TNS3: variants seen among roughly 807,000 people sequenced by gnomAD.
The protein encoded by TNS3 is tensin-3.
Under a neutral mutation model 140.9 loss-of-function variants are expected in TNS3, and 45 were observed. The observed-to-expected ratio is 0.32, with a 90% confidence interval of 0.25 to 0.41. The LOEUF is 0.41. TNS3 is among the 10% of genes least tolerant of loss of function. The pLI, the probability that TNS3 is intolerant of heterozygous loss-of-function variation, is 1.00. For synonymous variants in TNS3, 815 were observed against 788.4 expected (o/e 1.03, Z -0.56); for missense variants, 1,716 against 1,906.7 (o/e 0.90, Z 1.86).
intron 17 of TNS3, among the ~76,000 whole-genome samples, chr7:47,353,325 A>G (rs1179425590): frequency 2.0e-5 from 3 of 152,214 alleles, no homozygotes; most frequent in Non-Finnish European, 4.4e-5. Flanking sequence ...AGGTGAGCCC[A>G]GGCCACAGGT....
chr7:47,365,423 C>T (rs1389566012), intron 17 of TNS3, among the ~76,000 whole-genome samples: 3 of 145,690 alleles, frequency 2.1e-5, no homozygotes, highest in Admixed American at 7.1e-5. Flanking sequence ...CCAGCCTGGG[C>T]GACAGAGCAA....
intron 12 of TNS3, among the ~76,000 whole-genome samples, 165 bp downstream of exon 12, chr7:47,413,772 G>C (rs533089012): frequency 1.3e-5 from 2 of 151,884 alleles, no homozygotes; most frequent in African/African-American, 4.8e-5. Flanking sequence ...GCTGGAGCAC[G>C]GGCCACGAGA....
At chr7:47,343,511 G>A (rs1417462201) in intron 20 of TNS3, among the ~76,000 whole-genome samples, 1 of 152,196 alleles carries the variant, frequency 6.6e-6, no homozygotes, top group Non-Finnish European at 1.5e-5. Context: ...AGGCCAGAGG[G>A]CTAGATGCCA....
At chr7:47,562,798 A>T (rs1800343717) in intron 1 of TNS3, among the ~76,000 whole-genome samples, 1 of 152,208 alleles carries the variant, frequency 6.6e-6, no homozygotes, top group South Asian at 2.1e-4. Flanking sequence ...TGGAATTCTT[A>T]ACTACGTACA....
chr7:47,348,895 G>T (rs1391144587), intron 17 of TNS3, among the ~76,000 whole-genome samples: 4 of 152,208 alleles, frequency 2.6e-5, no homozygotes, highest in Non-Finnish European at 2.9e-5. Context: ...GTCCGAAAAG[G>T]AATTTCCAGG....
intron 5 of TNS3, among the ~76,000 whole-genome samples, chr7:47,440,622 C>A (rs1420484497): frequency 6.6e-6 from 1 of 152,168 alleles, no homozygotes; most frequent in Non-Finnish European, 1.5e-5. Flanking sequence ...AGATTCTCCA[C>A]CAGCCCTGTG....
At chr7:47,546,640 T>TA (rs34208745) in intron 1 of TNS3, among the ~76,000 whole-genome samples, 4,081 of 149,994 alleles carry the variant, frequency 0.027, 203 homozygotes, top group African/African-American at 0.094. Context: ...CCTCCTTATT[T>TA]AAAAAAAAAA....
intron 4 of TNS3, among the ~76,000 whole-genome samples, chr7:47,479,282 G>C (rs952360435): frequency 3.9e-5 from 6 of 152,242 alleles, no homozygotes; most frequent in African/African-American, 1.4e-4. Context: ...GGGACTGTCT[G>C]CGAGGTGGGA....
At chr7:47,389,168 GCA>G (rs1792357096) in intron 16 of TNS3, among the ~76,000 whole-genome samples, 1 of 90,646 alleles carries the variant, frequency 1.1e-5, no homozygotes, top group African/African-American at 3.6e-5. Flanking sequence ...AGAAGAAGCA[GCA>G]GAAGCAGAAG....
intron 8 of TNS3, among the ~76,000 whole-genome samples, chr7:47,432,946 A>T (rs1240167418): frequency 2.6e-5 from 4 of 152,202 alleles, no homozygotes; most frequent in African/African-American, 4.8e-5. Context: ...ACAATTTTCC[A>T]TGGGTATTCT....
At chr7:47,539,910 C>T (rs1799736601) in intron 1 of TNS3, among the ~76,000 whole-genome samples, 1 of 152,170 alleles carries the variant, frequency 6.6e-6, no homozygotes, top group Admixed American at 6.5e-5. Context: ...TCTGAGTCCT[C>T]CCAGAAGTAA....
chr7:47,531,237 C>T (rs1161205744), intron 1 of TNS3, among the ~76,000 whole-genome samples: 1 of 152,062 alleles, frequency 6.6e-6, no homozygotes, highest in African/African-American at 2.4e-5. Flanking sequence ...TAAACCTGCA[C>T]ATGTACCCTG....
At chr7:47,339,671 C>T (rs188241792) in intron 20 of TNS3, among the ~76,000 whole-genome samples, 32 of 152,220 alleles carry the variant, frequency 2.1e-4, no homozygotes, top group Admixed American at 1.6e-3. Context: ...TATTCTGGTT[C>T]CTTAGCCTTT....
intron 3 of TNS3, among the ~76,000 whole-genome samples, chr7:47,494,741 C>T (rs1182255096): frequency 6.6e-6 from 1 of 152,214 alleles, no homozygotes; most frequent in Non-Finnish European, 1.5e-5. Flanking sequence ...CCGCCAGCTG[C>T]TCCCGGGAGG....
chr7:47,335,030 T>G (rs1174875083), intron 20 of TNS3, among the ~76,000 whole-genome samples: 1 of 152,228 alleles, frequency 6.6e-6, no homozygotes, highest in African/African-American at 2.4e-5. Flanking sequence ...TTTCATAATT[T>G]TATCTATTTT....
In TNS3 at chr7:47,437,333, T is replaced by A. The variant is rs150475895; in HGVS notation, c.151-20A>T. ...TAATACCTATAAAAGAGAGGAAAAA[T>A]TGCCTTGCATAAAATAGATTTTAAT... is the stretch of plus-strand genomic sequence containing the variant. On this transcript the variant is annotated intron_variant, in intron 6 of 30. Transcript: ENST00000311160. 1,640 of 1,307,124 alleles carry A rather than the reference T, an allele frequency of 1.3e-3. 28 individuals are homozygous for A. In the African/African-American group the frequency reaches 0.022, roughly 18 times the overall value. 81.0% of individuals were successfully genotyped at this position (1,307,124 alleles called of 1,614,324 possible). A position where few individuals can be genotyped will look rare whatever the true frequency, so the allele number is the denominator to read the frequency against.
intron 3 of TNS3, among the ~76,000 whole-genome samples, chr7:47,492,958 C>T (rs938441947): frequency 3.3e-5 from 5 of 152,356 alleles, no homozygotes; most frequent in African/African-American, 9.6e-5. Context: ...GCGATGACAT[C>T]AGCTAATGCC....
chr7:47,335,320 A>G (rs1788574473), intron 20 of TNS3, among the ~76,000 whole-genome samples: 1 of 152,236 alleles, frequency 6.6e-6, no homozygotes, highest in Admixed American at 6.5e-5. Flanking sequence ...TGGAGGCATT[A>G]CATCAGTGCC....
upstream of TNS3, chr7:47,582,181 G>T: frequency 6.7e-6 from 1 of 149,776 alleles, no homozygotes; most frequent in Non-Finnish European, 1.5e-5. Flanking sequence ...GAGGCGGCGC[G>T]GGCAATCGCC....
Sources: gnomAD v4.1 joint callset for allele counts (sites outside exome capture counted in the v4.1 genomes callset) on GRCh38, gnomAD v4.1.1 for gene constraint, MANE v1.5 for transcripts, NCBI Gene and HGNC (gene_info 2026-07-23, HGNC 2026-07-21) for gene names.